The following MARCKS variants were observed in gnomAD, a reference collection of about 807,000 sequenced individuals.
MARCKS encodes myristoylated alanine-rich C-kinase substrate.
Under a neutral mutation model 6.3 loss-of-function variants are expected in MARCKS, and 4 were observed. That is an observed-to-expected ratio of 0.63 (90% confidence interval 0.31 to 1.45). The LOEUF is 1.45. MARCKS is among the 40% of genes most tolerant of loss of function. The probability of loss-of-function intolerance (pLI) is 0.07; values close to 1 mark genes in which losing one functional copy is unlikely to be tolerated. For synonymous variants in MARCKS, 289 were observed against 236.5 expected, an observed-to-expected ratio of 1.22 and a Z score of -2.04; for missense variants, 636 against 485.7, an observed-to-expected ratio of 1.31 and a Z score of -2.91.
rs758498243 is a variant in MARCKS, at chr6:113,860,049, C to G, written c.469C>G (p.Arg157Gly). ...SNETPKKKKKRFSFKKSFKLS... is the reference protein window; with the variant it reads ...SNETPKKKKKGFSFKKSFKLS... ...CGAGACCCCGAAAAAAAAAAAGAAG[C>G]GCTTTTCCTTCAAGAAGTCTTTCAA... Residue 157 changes from arginine (R) to glycine (G), a missense_variant, in exon 2 of 2, where the codon CGC becomes GGC. Transcript: ENST00000612661. 1.9e-6 allele frequency: 3 copies of G among 1,572,378 alleles called. No homozygotes were observed. Among genetic ancestry groups the G allele is most frequent in the South Asian group, 1.1e-5 (1 of 88,026 alleles).
At position 113,860,761 on chromosome 6, in the gene MARCKS, C is replaced by A. The variant is rs1774889123; in HGVS notation, c.*182C>A. The A allele has an allele frequency of 8.1e-6, 3 of 372,304 alleles. No individual in the cohort carries two copies. The South Asian group carries it at 1.7e-4, about 21-fold the overall frequency. The allele number at this position is 372,304 out of a possible 1,614,324, so 23.1% of individuals were successfully genotyped here. ...TTGTTTTTTTTTTTTCTCCCCTCCC[C>A]ACAGATCCCATCTCAAATCATTCTG... On this transcript the variant is annotated 3_prime_UTR_variant, in exon 2 of 2. Transcript: ENST00000612661.
chr6:113,857,792 C>T lies in MARCKS; in HGVS notation c.47C>T (p.Ala16Val). The stretch of plus-strand genomic sequence containing the variant: ...ACCGCAGCGAAGGGAGAAGCCGCCG[C>T]GGAGAGGCCTGGGGAGGCGGCTGTG... ...SKTAAKGEAAAERPGEAAVAS... is the reference protein window; with the variant it reads ...SKTAAKGEAAVERPGEAAVAS... The change falls in exon 1 of 2, where the codon GCG becomes GTG. Residue 16 changes from alanine to valine, a missense_variant. Transcript: ENST00000612661. 2 of 1,609,724 alleles carry T rather than the reference C, an allele frequency of 1.2e-6. No homozygotes were observed. The highest frequency in any genetic ancestry group is 8.5e-7 in the Non-Finnish European group (1 of 1,178,338).
chr6:113,859,565 G>T, intron 1 of MARCKS, 118 bp from the exon 2 acceptor site: 2 of 871,882 alleles, frequency 2.3e-6, no homozygotes, highest in Non-Finnish European at 3.1e-6. Flanking sequence ...GCGGGGGTGG[G>T]GTCTCGATGG....
chr6:113,860,636 A>G lies in MARCKS; in HGVS notation c.*57A>G. 1 of 1,307,754 alleles carries G rather than the reference A, an allele frequency of 7.6e-7. No homozygotes were observed. Among genetic ancestry groups the G allele is most frequent in the Non-Finnish European group, 1.0e-6 (1 of 976,184 alleles). The allele number at this position is 1,307,754 out of a possible 1,614,324, so 81.0% of individuals were successfully genotyped here. A position where few individuals can be genotyped will look rare whatever the true frequency, so the allele number is the denominator to read the frequency against. On this transcript the variant is annotated 3_prime_UTR_variant, in exon 2 of 2. Coordinates refer to ENST00000612661, the MANE Select transcript of MARCKS (RefSeq NM_002356.7). ...CTTTTCTCCCCCGTTTGTTTGTTGGAGTGGTGCCAGGTACTGGTTTTGGAG... is the reference window on the plus strand; with the variant it reads ...CTTTTCTCCCCCGTTTGTTTGTTGGGGTGGTGCCAGGTACTGGTTTTGGAG...
In MARCKS at chr6:113,860,433, G is replaced by T. The variant is rs1774878012; in HGVS notation, c.853G>T (p.Ala285Ser). 1 of 1,162,220 alleles carries T rather than the reference G, an allele frequency of 8.6e-7. No individual in the cohort carries two copies. Among genetic ancestry groups the T allele is most frequent in the Non-Finnish European group, 1.1e-6 (1 of 934,058 alleles). The allele number at this position is 1,162,220 out of a possible 1,614,324, so 72.0% of individuals were successfully genotyped here. A position where few individuals can be genotyped will look rare whatever the true frequency, so the allele number is the denominator to read the frequency against. The change falls in exon 2 of 2, where the codon GCC (alanine) becomes TCC (serine). Residue 285 changes from alanine to serine, a missense_variant. By Grantham distance (99) the Ala-to-Ser change is moderately conservative. Transcript: ENST00000612661. ...SAAACEAPSA[A>S]GPGAPPEQEA... The stretch of plus-strand genomic sequence containing the variant: ...CGCCGCCTGCGAGGCCCCCTCCGCC[G>T]CCGGGCCCGGCGCGCCCCCGGAGCA...
At position 113,857,472 on chromosome 6, in the gene MARCKS, GCTC is replaced by G. The variant is rs2114518976; in HGVS notation, c.-271_-269del. Reference sequence around the variant, plus strand: ...TCTTTTTTTTTCGAACTACACTTGGGCTCCTTTTTTTGTGCTCGACTTTTCCAC... The same window carrying G: ...TCTTTTTTTTTCGAACTACACTTGGGCTTTTTTTGTGCTCGACTTTTCCAC... On this transcript the variant is annotated 5_prime_UTR_variant, in exon 1 of 2. Transcript: ENST00000612661. 1 of 429,622 alleles carries G rather than the reference GCTC, an allele frequency of 2.3e-6. No homozygotes were observed. Among genetic ancestry groups the G allele is most frequent in the East Asian group, 5.0e-5 (1 of 20,002 alleles). The allele number at this position is 429,622 out of a possible 1,614,324, so 26.6% of individuals were successfully genotyped here.
chr6:113,859,857 G>A lies in MARCKS; in HGVS notation c.277G>A (p.Ala93Thr), dbSNP rs758201982. 1 of 1,308,528 alleles carries A rather than the reference G, an allele frequency of 7.6e-7. No homozygotes were observed. Among genetic ancestry groups the A allele is most frequent in the South Asian group, 2.0e-5 (1 of 50,384 alleles). The allele number at this position is 1,308,528 out of a possible 1,614,324, so 81.1% of individuals were successfully genotyped here. ...SAAEKGEPAA[A>T]AAPEAGASPV... ...GGCCGAGAAAGGTGAGCCGGCCGCC[G>A]CCGCTGCCCCCGAGGCCGGGGCCAG... is the stretch of plus-strand genomic sequence containing the variant. Residue 93 changes from alanine to threonine, a missense_variant, in exon 2 of 2, where the codon GCC (alanine) becomes ACC (threonine). Physicochemically the swap from Ala to Thr is moderately conservative, Grantham distance 58. Coordinates refer to ENST00000612661, the MANE Select transcript of MARCKS (RefSeq NM_002356.7).
At chr6:113,859,532 C>A (rs1774842530) in intron 1 of MARCKS, 151 bp from the exon 2 acceptor site, 2 of 611,878 alleles carry the variant, frequency 3.3e-6, no homozygotes, top group Non-Finnish European at 4.9e-6. Flanking sequence ...TGGGCATCCA[C>A]CCGCGCCTCC....
rs1316647091 is a variant in MARCKS, at chr6:113,861,281, G to C, written c.*702G>C. The C allele has an allele frequency of 6.6e-6, 1 of 152,304 alleles. No homozygotes were observed. The highest frequency in any genetic ancestry group is 1.5e-5 in the Non-Finnish European group (1 of 67,968). 9.4% of individuals were successfully genotyped at this position (152,304 alleles called of 1,614,324 possible). A position where few individuals can be genotyped will look rare whatever the true frequency, so the allele number is the denominator to read the frequency against. On this transcript the variant is annotated 3_prime_UTR_variant, in exon 2 of 2. Transcript: ENST00000612661. Reference sequence around the variant, plus strand: ...TCTCATGTTAGCTGTACCAGTCAGTGATTAAGTAGAACTACAAGTTGTATA... The same window carrying C: ...TCTCATGTTAGCTGTACCAGTCAGTCATTAAGTAGAACTACAAGTTGTATA...
chr6:113,859,543 C>G (rs1323331444), intron 1 of MARCKS, 140 bp from the exon 2 acceptor site: 20 of 686,968 alleles, frequency 2.9e-5, no homozygotes, highest in Non-Finnish European at 4.0e-5. Context: ...CCGCGCCTCC[C>G]TCCCCACAAC....
Position 113,857,535 on chromosome 6 carries a change from A to G in MARCKS, c.-211A>G, listed in dbSNP as rs1022427879. 10 of 545,956 alleles carry G rather than the reference A, an allele frequency of 1.8e-5. No individual in the cohort carries two copies. Among genetic ancestry groups the G allele is most frequent in the Non-Finnish European group, 2.9e-5 (9 of 309,386 alleles). 33.8% of individuals were successfully genotyped at this position (545,956 alleles called of 1,614,324 possible). On this transcript the variant is annotated 5_prime_UTR_variant, in exon 1 of 2. Transcript: ENST00000612661. ...CTCCCTCCTGTGCTGCTGCTTTTTG[A>G]TCTCTTCGACTAAAATTTTTTTATC...
At chr6:113,858,995 C>A (rs549357416) in intron 1 of MARCKS, among the ~76,000 whole-genome samples, 2 of 152,128 alleles carry the variant, frequency 1.3e-5, no homozygotes, top group African/African-American at 4.8e-5. Flanking sequence ...GCGATCCGGG[C>A]TCGGGGGCGC....
At chr6:113,859,112 C>G (rs571580950) in intron 1 of MARCKS, among the ~76,000 whole-genome samples, 25 of 152,288 alleles carry the variant, frequency 1.6e-4, no homozygotes, top group African/African-American at 6.0e-4. Context: ...ACAGCGCCCC[C>G]TGCCGGTGCC....
chr6:113,858,547 G>C (rs1406939401), intron 1 of MARCKS, among the ~76,000 whole-genome samples: 4 of 152,216 alleles, frequency 2.6e-5, no homozygotes, highest in Non-Finnish European at 5.9e-5. Context: ...TTTCCAGATG[G>C]TCAAAAAGAG....
chr6:113,860,711 A>G lies in MARCKS; in HGVS notation c.*132A>G. Reference sequence around the variant, plus strand: ...TTTTAAAGATGTCTTTTTTTATTTTACTTTTTTTTAAGCACCAAATTTTGT... The same window carrying G: ...TTTTAAAGATGTCTTTTTTTATTTTGCTTTTTTTTAAGCACCAAATTTTGT... On this transcript the variant is annotated 3_prime_UTR_variant, in exon 2 of 2. Transcript: ENST00000612661. 1 of 637,364 alleles carries G rather than the reference A, an allele frequency of 1.6e-6. No homozygotes were observed. The highest frequency in any genetic ancestry group is 4.0e-5 in the South Asian group (1 of 25,054). 39.5% of individuals were successfully genotyped at this position (637,364 alleles called of 1,614,324 possible).
rs773703695 is a variant in MARCKS, at chr6:113,857,769, C to G, written c.24C>G (p.Thr8=). MGAQFSK[T]AAKGEAAAER... The stretch of plus-strand genomic sequence containing the variant: ...GCATGGGTGCCCAGTTCTCCAAGAC[C>G]GCAGCGAAGGGAGAAGCCGCCGCGG... Residue 8 remains threonine (T), a synonymous_variant, in exon 1 of 2, where the codon ACC becomes ACG. Coordinates refer to ENST00000612661, the MANE Select transcript of MARCKS (RefSeq NM_002356.7). The G allele has an allele frequency of 6.2e-7, 1 of 1,608,672 alleles. No homozygotes were observed. Among genetic ancestry groups the G allele is most frequent in the South Asian group, 1.1e-5 (1 of 90,036 alleles).
chr6:113,862,064 T>C lies in MARCKS; in HGVS notation c.*1485T>C, dbSNP rs190105919. On this transcript the variant is annotated 3_prime_UTR_variant, in exon 2 of 2. Coordinates refer to ENST00000612661, the MANE Select transcript of MARCKS (RefSeq NM_002356.7). Reference sequence around the variant, plus strand: ...AACATAATTATTTTTATTGTAGCTATATAGCATGTCAGATTAAATCATTTA... The same window carrying C: ...AACATAATTATTTTTATTGTAGCTACATAGCATGTCAGATTAAATCATTTA... The C allele has an allele frequency of 1.3e-5, 2 of 152,294 alleles. No individual in the cohort carries two copies. The highest frequency in any genetic ancestry group is 3.9e-4 in the East Asian group (2 of 5,188). 9.4% of individuals were successfully genotyped at this position (152,294 alleles called of 1,614,324 possible). A position where few individuals can be genotyped will look rare whatever the true frequency, so the allele number is the denominator to read the frequency against.
chr6:113,860,371 TGGA>T lies in MARCKS; in HGVS notation c.796_798del (p.Glu266del). ...AAGGCCGCCGAGGAGCCCAGCAAGG[TGGA>T]GGAGAAAAAGGCCGAGGAGGCCGGG... On this transcript the variant is annotated inframe_deletion, in exon 2 of 2. Coordinates refer to ENST00000612661, the MANE Select transcript of MARCKS (RefSeq NM_002356.7). The T allele has an allele frequency of 7.8e-7, 1 of 1,280,888 alleles. No individual in the cohort carries two copies. The highest frequency in any genetic ancestry group is 1.0e-6 in the Non-Finnish European group (1 of 987,470). 79.3% of individuals were successfully genotyped at this position (1,280,888 alleles called of 1,614,324 possible).
rs933064689 is a variant in MARCKS at position 113,861,005 on chromosome 6, A to G, written c.*426A>G. 1 of 152,388 alleles carries G rather than the reference A, an allele frequency of 6.6e-6. No homozygotes were observed. The highest frequency in any genetic ancestry group is 6.5e-5 in the Admixed American group (1 of 15,276). The allele number at this position is 152,388 out of a possible 1,614,324, so 9.4% of individuals were successfully genotyped here. ...ATATCAAATGAAGTGATGGGGTCAC[A>G]ATGGGGAAATTGAAGTGGTGCATAA... On this transcript the variant is annotated 3_prime_UTR_variant, in exon 2 of 2. Transcript: ENST00000612661.
Sources: gnomAD v4.1 joint callset for allele counts (sites outside exome capture counted in the v4.1 genomes callset) on GRCh38, gnomAD v4.1.1 for gene constraint, MANE v1.5 for transcripts, NCBI Gene and HGNC (gene_info 2026-07-23, HGNC 2026-07-21) for gene names.